Variants in C2CD3 observed in about 807,000 individuals in gnomAD.
The protein encoded by C2CD3 is C2 domain containing 3 centriole elongation regulator, also known as C2 domain-containing protein 3.
Under a neutral mutation model 234.0 loss-of-function variants are expected in C2CD3, and 148 were observed. The observed-to-expected ratio is 0.63, with a 90% CI of 0.55 to 0.72. The LOEUF (loss-of-function observed/expected upper bound fraction) is 0.72. C2CD3 is among the 30% of genes least tolerant of loss of function. C2CD3 has a pLI of 0.00. For missense variants in C2CD3, 2,577 were observed against 2,811.5 expected (o/e 0.92, Z 1.89); for synonymous variants, 1,000 against 1,035.4 (o/e 0.97, Z 0.66).
chr11:74,165,386 G>C (rs1856738844), intron 2 of C2CD3, among the ~76,000 whole-genome samples: 1 of 152,016 alleles, frequency 6.6e-6, no homozygotes. Flanking sequence ...TAATTACAAG[G>C]TTATTTTGCA....
chr11:74,033,141 A>G (rs1321973309), intron 31 of C2CD3, among the ~76,000 whole-genome samples: 1 of 152,184 alleles, frequency 6.6e-6, no homozygotes, highest in Non-Finnish European at 1.5e-5. Context: ...ATGTGCTACG[A>G]ATGCCTAAAC....
chr11:74,051,659 CT>C (rs1387748222), intron 26 of C2CD3, among the ~76,000 whole-genome samples: 11 of 152,298 alleles, frequency 7.2e-5, no homozygotes, highest in African/African-American at 2.4e-4. Flanking sequence ...AATCCTGCCC[CT>C]TCATTCCTCA....
chr11:74,118,147 T>C lies in C2CD3; in HGVS notation c.1520+81A>G, dbSNP rs987431427. ...AATCACTCTGATGGTGCTGGGCAAATGGGTCATTTCACCTTGGGAGATCTT... is the reference window on the plus strand; with the variant it reads ...AATCACTCTGATGGTGCTGGGCAAACGGGTCATTTCACCTTGGGAGATCTT... On this transcript the variant is annotated intron_variant, in intron 9 of 32. Coordinates refer to ENST00000334126, the MANE Select transcript of C2CD3 (RefSeq NM_001286577.2). The C allele has an allele frequency of 2.9e-5, 31 of 1,054,510 alleles. 1 individual carries two copies. In the Middle Eastern group the frequency reaches 1.1e-3, roughly 38 times the overall value. The allele number at this position is 1,054,510 out of a possible 1,614,324, so 65.3% of individuals were successfully genotyped here. A position where few individuals can be genotyped will look rare whatever the true frequency, so the allele number is the denominator to read the frequency against.
At chr11:74,143,262 A>G (rs1265515053) in intron 3 of C2CD3, among the ~76,000 whole-genome samples, 1 of 152,194 alleles carries the variant, frequency 6.6e-6, no homozygotes, top group East Asian at 1.9e-4. Context: ...AACATGTATC[A>G]GTATCAGAGA....
chr11:74,061,795 G>A (rs1299823600), intron 24 of C2CD3, among the ~76,000 whole-genome samples: 2 of 152,172 alleles, frequency 1.3e-5, no homozygotes, highest in African/African-American at 2.4e-5. Flanking sequence ...AAATGTAAAT[G>A]GGCTAAATGC....
rs1408179177 is a variant in C2CD3, at chr11:74,034,262, G to A, written c.5898C>T (p.Thr1966=). ...SSLITDLQTI[T]RDSQAALSSH... Reference sequence around the variant, plus strand: ...AACTCAAAGCTGCTTGCGAATCCCTGGTGATAGTCTGCAGATCTGAACAGC... The same window carrying A: ...AACTCAAAGCTGCTTGCGAATCCCTAGTGATAGTCTGCAGATCTGAACAGC... Residue 1966 remains threonine, a synonymous_variant, in exon 31 of 33, where the codon ACC becomes ACT. Transcript: ENST00000334126. 2.0e-6 allele frequency: 3 copies of A among 1,535,492 alleles called. No individual in the cohort carries two copies. Among genetic ancestry groups the A allele is most frequent in the Non-Finnish European group, 2.6e-6 (3 of 1,146,618 alleles).
intron 26 of C2CD3, among the ~76,000 whole-genome samples, chr11:74,052,083 C>G (rs1278434172): frequency 1.3e-5 from 2 of 152,282 alleles, no homozygotes; most frequent in East Asian, 3.9e-4. Context: ...AATAATGGAA[C>G]ACCAGGCATA....
rs561159608 is a variant in C2CD3 at position 74,117,405 on chromosome 11, A to T, written c.1520+823T>A. Among the ~76,000 whole-genome samples the T allele has an allele frequency of 4.2e-3, 525 of 123,538 alleles. 9 individuals are homozygous for T. Among genetic ancestry groups the T allele is most frequent in the Middle Eastern group, 9.2e-3 (2 of 218 alleles). 81.0% of individuals were successfully genotyped at this position (123,538 alleles called of 152,430 possible). A position where few individuals can be genotyped will look rare whatever the true frequency, so the allele number is the denominator to read the frequency against. ...ATATATATATATGGAATACTACTCA[A>T]CTATAAAAAGGAAATGAAATAATGG... On this transcript the variant is annotated intron_variant, in intron 9 of 32. Transcript: ENST00000334126.
At chr11:74,121,706 AC>A (rs1308386888) in intron 8 of C2CD3, among the ~76,000 whole-genome samples, 1 of 151,834 alleles carries the variant, frequency 6.6e-6, no homozygotes, top group Non-Finnish European at 1.5e-5. Context: ...AAAACAAACA[AC>A]CCCCCCAAGT....
rs1954783581 is a variant in C2CD3 at position 74,071,384 on chromosome 11, C to T, written c.4951+2869G>A. Among the ~76,000 whole-genome samples the T allele has an allele frequency of 2.6e-5, 4 of 152,180 alleles. No individual in the cohort carries two copies. The South Asian group carries it at 8.3e-4, about 31-fold the overall frequency. On this transcript the variant is annotated intron_variant, in intron 24 of 32. Coordinates refer to ENST00000334126, the MANE Select transcript of C2CD3 (RefSeq NM_001286577.2). ...GTGATAAGCCCATGCAGTCCTTCCT[C>T]CCACAGACATTTATGTGTCAGTCAG...
intron 24 of C2CD3, among the ~76,000 whole-genome samples, chr11:74,069,152 A>G (rs776205771): frequency 2.0e-5 from 3 of 152,204 alleles, no homozygotes; most frequent in Admixed American, 1.3e-4. Flanking sequence ...AAACAAAACT[A>G]TTTTGACTTT....
At chr11:74,106,568 T>C (rs577050808) in intron 12 of C2CD3, 75 bp from the exon 13 acceptor site, 2 of 1,352,606 alleles carry the variant, frequency 1.5e-6, no homozygotes, top group African/African-American at 1.5e-5. Context: ...AGTGACAACA[T>C]ATGATGGCTT....
Position 74,129,441 on chromosome 11 carries a change from G to A in C2CD3, c.1217+3403C>T, listed in dbSNP as rs1465255894. On this transcript the variant is annotated intron_variant, in intron 7 of 32. Coordinates refer to ENST00000334126, the MANE Select transcript of C2CD3 (RefSeq NM_001286577.2). ...GCGCTCCTCACATCCCAGACGGGGCGGCGGGGCAGAGGCGCTCCCCACATC... is the reference window on the plus strand; with the variant it reads ...GCGCTCCTCACATCCCAGACGGGGCAGCGGGGCAGAGGCGCTCCCCACATC... 1.8e-4 allele frequency: 33 copies of A among 178,936 alleles called. No individual in the cohort carries two copies. The South Asian group carries it at 2.2e-3, about 12-fold the overall frequency. The allele number at this position is 178,936 out of a possible 1,614,324, so 11.1% of individuals were successfully genotyped here.
rs1254317820 is a variant in C2CD3, at chr11:74,033,362, C to G, written c.6798G>C (p.Gln2266His). The change falls in exon 31 of 33, where the codon CAG (glutamine) becomes CAC (histidine). Residue 2266 changes from glutamine (Q) to histidine (H), a missense_variant. Transcript: ENST00000334126. ...ATGCCAAAGGATACAGCAGGAGGCT[C>G]TGCTTTGTGGACGTCTCTGATCCAG... is the stretch of plus-strand genomic sequence containing the variant. ...VTTGSETSTK[Q>H]SLLLPGPIVV... 3.9e-6 allele frequency: 6 copies of G among 1,535,740 alleles called. No individual in the cohort carries two copies. The highest frequency in any genetic ancestry group is 3.9e-5 in the Admixed American group (2 of 50,956).
At chr11:74,144,689 T>G (rs2135549921) in intron 3 of C2CD3, among the ~76,000 whole-genome samples, 1 of 152,298 alleles carries the variant, frequency 6.6e-6, no homozygotes, top group African/African-American at 2.4e-5. Context: ...CACTTGTAAG[T>G]GAGAACGTGT....
rs149501725 is a variant in C2CD3, at chr11:74,142,782, C to T, written c.484-2954G>A. Among the ~76,000 whole-genome samples, 184 of 152,240 alleles carry T rather than the reference C, an allele frequency of 1.2e-3. 1 individual carries two copies. The highest frequency in any genetic ancestry group is 4.4e-3 in the African/African-American group (182 of 41,540). ...TGTCAATTCCTAGCCGTCCAAGAGA[C>T]CATCTACTTTAACCCTCCTGTTGCA... On this transcript the variant is annotated intron_variant, in intron 3 of 32. Transcript: ENST00000334126.
At chr11:74,058,360 T>G (rs1461242407) in intron 24 of C2CD3, among the ~76,000 whole-genome samples, 1 of 152,208 alleles carries the variant, frequency 6.6e-6, no homozygotes, top group African/African-American at 2.4e-5. Flanking sequence ...ATGTACTTTA[T>G]ATATATTAAC....
intron 3 of C2CD3, among the ~76,000 whole-genome samples, chr11:74,150,930 T>G (rs1171639546): frequency 2.0e-5 from 3 of 152,080 alleles, no homozygotes; most frequent in Non-Finnish European, 4.4e-5. Flanking sequence ...TTTCTTTTTT[T>G]TTTGTTTTTT....
intron 23 of C2CD3, among the ~76,000 whole-genome samples, chr11:74,076,374 C>T (rs1435731690): frequency 6.6e-6 from 1 of 152,186 alleles, no homozygotes; most frequent in Non-Finnish European, 1.5e-5. Flanking sequence ...GTTTCTTCGA[C>T]TGTAGAGTGG....
Sources: gnomAD v4.1 joint callset for allele counts (sites outside exome capture counted in the v4.1 genomes callset) on GRCh38, gnomAD v4.1.1 for gene constraint, MANE v1.5 for transcripts, NCBI Gene and HGNC (gene_info 2026-07-23, HGNC 2026-07-21) for gene names.